Variants in DNAAF5 observed in about 807,000 individuals in gnomAD.
DNAAF5 encodes the protein HEAT repeat containing 2.
Under a neutral mutation model 75.8 loss-of-function variants are expected in DNAAF5, and 64 were observed. The ratio of observed to expected loss-of-function variants is 0.84; its 90% CI spans 0.69 to 1.04. The LOEUF (loss-of-function observed/expected upper bound fraction) is 1.04. Ranked by LOEUF, DNAAF5 falls within the 50% of genes least tolerant of loss-of-function variation. The pLI is 0.00. For missense variants in DNAAF5, 1,269 were observed against 1,178.5 expected (o/e 1.08, Z -1.12); for synonymous variants, 657 against 557.2 (o/e 1.18, Z -2.52).
At chr7:761,173 C>T (rs529921714) in intron 6 of DNAAF5, among the ~76,000 whole-genome samples, 1 of 152,366 alleles carries the variant, frequency 6.6e-6, no homozygotes, top group East Asian at 1.9e-4. Flanking sequence ...GATTCCTTAG[C>T]TCCCAGTCTG....
intron 11 of DNAAF5, among the ~76,000 whole-genome samples, chr7:776,780 C>T (rs1481388356): frequency 2.0e-5 from 3 of 152,208 alleles, no homozygotes; most frequent in East Asian, 3.8e-4. Context: ...GGACAGGGCC[C>T]CCGCCACCCA....
At chr7:769,146 T>C (rs1778464652) in intron 8 of DNAAF5, 1 of 772,158 alleles carries the variant, frequency 1.3e-6, no homozygotes, top group Non-Finnish European at 2.4e-6. Flanking sequence ...CAGCCTGCTC[T>C]GATGACTGGC....
chr7:782,099 G>A (rs1160281866), intron 12 of DNAAF5, among the ~76,000 whole-genome samples: 1 of 150,750 alleles, frequency 6.6e-6, no homozygotes, highest in African/African-American at 2.4e-5. Flanking sequence ...CCGGTTATGC[G>A]ATGTCGGATC....
Position 740,922 on chromosome 7 carries a change from A to G in DNAAF5, c.884A>G (p.Asn295Ser), listed in dbSNP as rs377147369. 33 of 1,613,670 alleles carry G rather than the reference A, an allele frequency of 2.0e-5. No individual in the cohort carries two copies. The African/African-American group carries it at 3.2e-4, about 16-fold the overall frequency. The part of the protein sequence containing the change: ...KLIPLLLSSL[N>S]DEVPEVRQLA... ...ATCCCTCTGCTGCTCAGTAGCCTCA[A>G]CGACGAGGTGCCTGAGGTCAGGTAC... Residue 295 changes from asparagine to serine, a missense_variant, in exon 3 of 13, where the codon AAC becomes AGC. Coordinates refer to ENST00000297440, the MANE Select transcript of DNAAF5 (RefSeq NM_017802.4).
intron 6 of DNAAF5, among the ~76,000 whole-genome samples, chr7:757,249 C>T (rs991857664): frequency 1.3e-5 from 2 of 152,252 alleles, no homozygotes; most frequent in African/African-American, 4.8e-5. Flanking sequence ...CCAGCCCCAG[C>T]CCCAGCCCCA....
Position 729,737 on chromosome 7 carries a change from C to G in DNAAF5, c.670C>G (p.Arg224Gly). ...CATCTCCCACCAGCACTGGAAGGTC[C>G]GTGTGGCCGCCATTGAAGCCACAGG... The part of the protein sequence containing the change: ...QTISHQHWKV[R>G]VAAIEATGAV... Residue 224 changes from arginine (R) to glycine (G), a missense_variant, in exon 2 of 13, where the codon CGT becomes GGT. Transcript: ENST00000297440. 6.2e-7 allele frequency: 1 copy of G among 1,614,096 alleles called. No individual in the cohort carries two copies. The highest frequency in any genetic ancestry group is 1.6e-4 in the Middle Eastern group (1 of 6,062).
At chr7:739,702 T>A (rs1457291344) in intron 2 of DNAAF5, among the ~76,000 whole-genome samples, 1 of 152,162 alleles carries the variant, frequency 6.6e-6, no homozygotes, top group Non-Finnish European at 1.5e-5. Context: ...ACGAGCCCTG[T>A]CAGTCATTCT....
Position 726,840 on chromosome 7 carries a change from CG to C in DNAAF5, c.121del (p.Asp41ThrfsTer45). The C allele has an allele frequency of 7.5e-7, 1 of 1,325,710 alleles. No individual in the cohort carries two copies. Among genetic ancestry groups the C allele is most frequent in the South Asian group, 2.0e-5 (1 of 49,814 alleles). The allele number at this position is 1,325,710 out of a possible 1,614,324, so 82.1% of individuals were successfully genotyped here. A position where few individuals can be genotyped will look rare whatever the true frequency, so the allele number is the denominator to read the frequency against. ...LSRLLPGLEA[D>X]SKPGRRRALE... ...GCCGCCTGCTGCCGGGGCTGGAGGC[CG>C]ACAGCAAGCCGGGCCGGCGGCGCGC... On this transcript the variant is annotated frameshift_variant, in exon 1 of 13. Transcript: ENST00000297440. LOFTEE classifies it high-confidence loss of function.
chr7:745,431 C>CAA (rs66850920), intron 4 of DNAAF5, among the ~76,000 whole-genome samples: 53,416 of 151,882 alleles, frequency 0.35, 9,514 homozygotes, highest in South Asian at 0.46. Context: ...CACGCATACA[C>CAA]ACACACACAC....
At chr7:759,837 CGCACCT>C (rs2128079734) in intron 6 of DNAAF5, among the ~76,000 whole-genome samples, 1 of 152,248 alleles carries the variant, frequency 6.6e-6, no homozygotes, top group South Asian at 2.1e-4. Flanking sequence ...GTCTTCTAAA[CGCACCT>C]GCCTTTTGAT....
chr7:749,210 C>T (rs967674844), intron 4 of DNAAF5, among the ~76,000 whole-genome samples: 1 of 152,214 alleles, frequency 6.6e-6, no homozygotes, highest in Non-Finnish European at 1.5e-5. Flanking sequence ...CACACGTTCA[C>T]GCCTGGTGTG....
At chr7:730,680 C>T (rs1167568087) in intron 2 of DNAAF5, among the ~76,000 whole-genome samples, 1 of 152,212 alleles carries the variant, frequency 6.6e-6, no homozygotes, top group African/African-American at 2.4e-5. Context: ...AGCACCTGCT[C>T]AGGACACCCC....
intron 4 of DNAAF5, among the ~76,000 whole-genome samples, chr7:746,668 C>T (rs1242274009): frequency 6.6e-6 from 1 of 151,384 alleles, no homozygotes; most frequent in Non-Finnish European, 1.5e-5. Context: ...TCTGTGACGT[C>T]CTTACCATCC....
chr7:762,000 A>AGC, intron 7 of DNAAF5, 104 bp downstream of exon 7: 1 of 1,146,266 alleles, frequency 8.7e-7, no homozygotes, highest in Non-Finnish European at 1.2e-6. Flanking sequence ...TCTGTGCTTG[A>AGC]CCAGCAAAGA....
At chr7:759,368 G>C (rs572676677) in intron 6 of DNAAF5, among the ~76,000 whole-genome samples, 1 of 152,320 alleles carries the variant, frequency 6.6e-6, no homozygotes, top group Admixed American at 6.5e-5. Flanking sequence ...GAGCTCGACA[G>C]ACGGGAACTG....
intron 12 of DNAAF5, among the ~76,000 whole-genome samples, chr7:784,237 A>G (rs1583530612): frequency 6.6e-6 from 1 of 152,086 alleles, no homozygotes; most frequent in African/African-American, 2.4e-5. Context: ...TCCCTCGCCC[A>G]TGTGGGCCCC....
At chr7:782,656 C>T (rs1333412252) in intron 12 of DNAAF5, among the ~76,000 whole-genome samples, 1 of 137,186 alleles carries the variant, frequency 7.3e-6, no homozygotes, top group African/African-American at 2.9e-5. Context: ...CGTCACGCAG[C>T]GTCAGAAACT....
chr7:754,229 A>G lies in DNAAF5; in HGVS notation c.1025-360A>G, dbSNP rs564461048. Among the ~76,000 whole-genome samples the G allele has an allele frequency of 3.9e-4, 59 of 152,274 alleles. No homozygotes were observed. The highest frequency in any genetic ancestry group is 1.3e-3 in the African/African-American group (54 of 41,546). ...ACCCAGGCTGGAGTGCTGTGGCGCA[A>G]TCCTCCCACCTCAGACTCCTGCGTA... On this transcript the variant is annotated intron_variant, in intron 4 of 12. Transcript: ENST00000297440. The surrounding 1 kb of genome is among the most constrained non-coding windows in gnomAD (Gnocchi z 4.8).
chr7:770,488 G>C lies in DNAAF5; in HGVS notation c.1801G>C (p.Ala601Pro). 1 of 1,613,578 alleles carries C rather than the reference G, an allele frequency of 6.2e-7. No homozygotes were observed. The highest frequency in any genetic ancestry group is 8.5e-7 in the Non-Finnish European group (1 of 1,179,934). The change falls in exon 9 of 13, where the codon GCC becomes CCC. Residue 601 changes from alanine to proline, a missense_variant. Coordinates refer to ENST00000297440, the MANE Select transcript of DNAAF5 (RefSeq NM_017802.4). Reference protein sequence around the residue: ...VAQSGPALGEALPHVVPTLRA... With the variant: ...VAQSGPALGEPLPHVVPTLRA... ...TCTTACAGGCCCTGCCCTGGGAGAA[G>C]CCCTGCCACACGTCGTGCCCACGCT...
Sources: allele counts gnomAD v4.1 joint callset (sites outside exome capture counted in the v4.1 genomes callset), GRCh38; gene constraint gnomAD v4.1.1; non-coding constraint Gnocchi (gnomAD v3.1); transcripts MANE v1.5; gene names NCBI Gene and HGNC (gene_info 2026-07-23, HGNC 2026-07-21).